LMBR1: variants seen among roughly 807,000 people sequenced by gnomAD.
LMBR1 encodes limb region 1 protein homolog.
LMBR1 carries 52 observed loss-of-function variants against 73.9 expected under a neutral mutation model. That is an observed-to-expected ratio of 0.70 (90% CI 0.56 to 0.89). The LOEUF (loss-of-function observed/expected upper bound fraction) is 0.89, where lower values mean the gene tolerates loss of function less well. Among genes scored for constraint, LMBR1 ranks in the 40% least tolerant of loss-of-function variants. The pLI is 0.00. For synonymous variants in LMBR1, 215 were observed against 209.4 expected (o/e 1.03, Z -0.23); for missense variants, 539 against 579.8 (o/e 0.93, Z 0.72).
intron 1 of LMBR1, among the ~76,000 whole-genome samples, chr7:156,839,632 C>G (rs527879587): frequency 6.6e-6 from 1 of 152,080 alleles, no homozygotes; most frequent in Non-Finnish European, 1.5e-5. Context: ...AACTTTGGAC[C>G]AGGATAGTGG....
In LMBR1 at chr7:156,757,463, A is replaced by G. The variant is rs1439812012; in HGVS notation, c.685-998T>C. On this transcript the variant is annotated intron_variant, in intron 8 of 16. Transcript: ENST00000353442. The stretch of plus-strand genomic sequence containing the variant: ...TAGTTCAAAAGAAAAAACCATACTA[A>G]TAATTTACCAATTGTATGGGATATT... 2.0e-5 allele frequency among the ~76,000 whole-genome samples: 3 copies of G among 152,248 alleles called. No homozygotes were observed. The East Asian group carries it at 5.8e-4, about 29-fold the overall frequency.
Position 156,734,170 on chromosome 7 carries a change from A to G in LMBR1, c.838+7T>C. On this transcript the variant is annotated splice_region_variant and intron_variant, in intron 10 of 16. Coordinates refer to ENST00000353442, the MANE Select transcript of LMBR1 (RefSeq NM_022458.4). ...ATACACAAGTCAAGAAAAAAAAAGT[A>G]CAATACCTAATTTTGTCTTAAGAGT... 6.3e-7 allele frequency: 1 copy of G among 1,576,474 alleles called. No homozygotes were observed. Among genetic ancestry groups the G allele is most frequent in the Non-Finnish European group, 8.6e-7 (1 of 1,156,298 alleles).
At chr7:156,851,516 C>T (rs1479480574) in intron 1 of LMBR1, among the ~76,000 whole-genome samples, 1 of 151,830 alleles carries the variant, frequency 6.6e-6, no homozygotes, top group Non-Finnish European at 1.5e-5. Flanking sequence ...TATTTTAGGC[C>T]CAGTAACAAG....
At chr7:156,729,916 C>T (rs554161447) in intron 10 of LMBR1, among the ~76,000 whole-genome samples, 2 of 152,228 alleles carry the variant, frequency 1.3e-5, no homozygotes, top group South Asian at 4.1e-4. Flanking sequence ...TCTGTATGAA[C>T]GTATCAGAGA....
chr7:156,752,355 T>C (rs150478513), intron 9 of LMBR1, among the ~76,000 whole-genome samples: 268 of 152,336 alleles, frequency 1.8e-3, no homozygotes, highest in African/African-American at 6.0e-3. Context: ...CTTCTGTCTC[T>C]TTCTGGGAAA....
intron 15 of LMBR1, among the ~76,000 whole-genome samples, chr7:156,700,866 C>T (rs774754445): frequency 1.3e-5 from 2 of 152,124 alleles, no homozygotes; most frequent in Non-Finnish European, 2.9e-5. Flanking sequence ...TAAAGACACA[C>T]CCAAGACTGG....
chr7:156,699,425 A>C (rs9691209), intron 15 of LMBR1, among the ~76,000 whole-genome samples: 106,158 of 150,470 alleles, frequency 0.71, 37,925 homozygotes, highest in East Asian at 0.81. Flanking sequence ...TAAAGACTTA[A>C]ATGTTAGACC....
At chr7:156,788,477 T>C (rs1284672957) in intron 5 of LMBR1, among the ~76,000 whole-genome samples, 1 of 152,070 alleles carries the variant, frequency 6.6e-6, no homozygotes, top group Non-Finnish European at 1.5e-5. Context: ...TTTTTTAAAA[T>C]AGAAAACAGC....
rs533883822 is a variant in LMBR1 at position 156,742,558 on chromosome 7, C to T, written c.758-8301G>A. On this transcript the variant is annotated intron_variant, in intron 9 of 16. Transcript: ENST00000353442. Reference sequence around the variant, plus strand: ...ACACATACAACCTACCAAGATTGAACCACGAAGAAATCTAAAACCTAAACA... The same window carrying T: ...ACACATACAACCTACCAAGATTGAATCACGAAGAAATCTAAAACCTAAACA... 3.3e-5 allele frequency among the ~76,000 whole-genome samples: 5 copies of T among 152,122 alleles called. No homozygotes were observed. The South Asian group carries it at 1.0e-3, about 32-fold the overall frequency.
chr7:156,672,018 G>T (rs1019862594), intron 4 of LMBR1, among the ~76,000 whole-genome samples: 1 of 151,950 alleles, frequency 6.6e-6, no homozygotes, highest in Non-Finnish European at 1.5e-5. Flanking sequence ...GAATATTTGC[G>T]TCTGCCATGC....
At position 156,679,786 on chromosome 7, in the gene LMBR1, A is replaced by T. The variant is rs1015705033; in HGVS notation, c.*4292T>A. On this transcript the variant is annotated 3_prime_UTR_variant, in exon 17 of 17. Coordinates refer to ENST00000353442, the MANE Select transcript of LMBR1 (RefSeq NM_022458.4). ...TGCTGTTCATAATCCAGGCTCATAA[A>T]CTTGACTTCTGTACCACCTTTAGAA... The T allele has an allele frequency of 1.3e-5, 2 of 152,150 alleles. No individual in the cohort carries two copies. The highest frequency in any genetic ancestry group is 4.8e-5 in the African/African-American group (2 of 41,420). The allele number at this position is 152,150 out of a possible 1,614,324, so 9.4% of individuals were successfully genotyped here.
intron 15 of LMBR1, among the ~76,000 whole-genome samples, chr7:156,689,448 A>G (rs376990781): frequency 6.6e-6 from 1 of 152,188 alleles, no homozygotes; most frequent in African/African-American, 2.4e-5. Flanking sequence ...TTGACCTTTG[A>G]GCTGAACTCT....
intron 1 of LMBR1, among the ~76,000 whole-genome samples, chr7:156,837,409 T>TG (rs1213160985): frequency 1.3e-5 from 2 of 149,368 alleles, no homozygotes; most frequent in African/African-American, 5.0e-5. Flanking sequence ...TAATACCATT[T>TG]GAAAAAAAAA....
chr7:156,730,464 G>A (rs763588107), intron 10 of LMBR1, among the ~76,000 whole-genome samples: 11 of 152,170 alleles, frequency 7.2e-5, no homozygotes, highest in African/African-American at 2.2e-4. Context: ...TGGACCGGTC[G>A]TCATAAAGAC....
At chr7:156,736,688 A>C (rs1817935717) in intron 9 of LMBR1, 1 of 430,812 alleles carries the variant, frequency 2.3e-6, no homozygotes, top group African/African-American at 2.0e-5. Context: ...ATATGGCCAT[A>C]ATGCTCATTT....
rs993469664 is a variant in LMBR1, at chr7:156,824,137, T to C, written c.319+2468A>G. ...AACAACAACAACAACAATATATATA[T>C]ACACACGCGCGCGCGCTGAAAAAAT... On this transcript the variant is annotated intron_variant, in intron 4 of 16. Coordinates refer to ENST00000353442, the MANE Select transcript of LMBR1 (RefSeq NM_022458.4). 4.8e-5 allele frequency among the ~76,000 whole-genome samples: 7 copies of C among 146,790 alleles called. No individual in the cohort carries two copies. The East Asian group carries it at 5.9e-4, about 12-fold the overall frequency.
chr7:156,805,215 C>CTTTTTTTTTTT (rs58044015), intron 4 of LMBR1, among the ~76,000 whole-genome samples: 10 of 122,778 alleles, frequency 8.1e-5, no homozygotes, highest in Admixed American at 1.7e-4. Context: ...ACATCATGCA[C>CTTTTTTTTTTT]TTTTTTTTTT....
intron 4 of LMBR1, among the ~76,000 whole-genome samples, chr7:156,811,535 G>C (rs186999848): frequency 1.0e-3 from 152 of 152,222 alleles, no homozygotes; most frequent in Middle Eastern, 6.8e-3. Flanking sequence ...CCTAAACCCG[G>C]GAGGCGGAGG....
chr7:156,670,565 T>G lies in LMBR1; in HGVS notation n.867-1278A>C, dbSNP rs1359550688. On this transcript the variant is annotated intron_variant and non_coding_transcript_variant, in intron 4 of 4. Coordinates refer to the LMBR1 transcript ENST00000430825. The surrounding 1 kb of genome is among the most constrained non-coding windows in gnomAD (Gnocchi z 4.3). ...CAAGGAAGCCCAATATGATTTTGTT[T>G]TAAGTGTCTAGTGAGCCTGCAGAAC... 6.6e-6 allele frequency among the ~76,000 whole-genome samples: 1 copy of G among 152,188 alleles called. No homozygotes were observed. The highest frequency in any genetic ancestry group is 2.4e-5 in the African/African-American group (1 of 41,438).
Sources: gnomAD v4.1 joint callset for allele counts (sites outside exome capture counted in the v4.1 genomes callset) on GRCh38, gnomAD v4.1.1 for gene constraint, Gnocchi (gnomAD v3.1) non-coding constraint, MANE v1.5 for transcripts, NCBI Gene and HGNC (gene_info 2026-07-23, HGNC 2026-07-21) for gene names.